ARMH3: variants seen among roughly 807,000 people sequenced by gnomAD.
The protein encoded by ARMH3 is armadillo like helical domain containing 3.
ARMH3 carries 60 observed loss-of-function variants against 99.1 expected under a neutral mutation model. The ratio of observed to expected loss-of-function variants is 0.61; its 90% CI spans 0.49 to 0.75. ARMH3 has a LOEUF of 0.75. Among genes scored for constraint, ARMH3 ranks in the 30% least tolerant of loss-of-function variants. The pLI, the probability that ARMH3 is intolerant of heterozygous loss-of-function variation, is 0.00. For synonymous variants in ARMH3, 285 were observed against 292.8 expected, an observed-to-expected ratio of 0.97 and a Z score of 0.27; for missense variants, 679 against 843.1, an observed-to-expected ratio of 0.81 and a Z score of 2.41.
At chr10:101,861,062 G>C (rs1053007222) in intron 24 of ARMH3, among the ~76,000 whole-genome samples, 9 of 152,248 alleles carry the variant, frequency 5.9e-5, no homozygotes, top group Admixed American at 5.9e-4. Context: ...AGAAATGAGG[G>C]AGATGATGAA....
chr10:101,939,700 G>A (rs902588822), intron 23 of ARMH3, among the ~76,000 whole-genome samples, 163 bp downstream of exon 23: 5 of 152,096 alleles, frequency 3.3e-5, no homozygotes, highest in South Asian at 2.1e-4. Flanking sequence ...TAAAAGCCTC[G>A]TGTACTCCTG....
chr10:102,031,007 C>T (rs1037672989), intron 4 of ARMH3, among the ~76,000 whole-genome samples: 9 of 152,060 alleles, frequency 5.9e-5, no homozygotes, highest in Admixed American at 6.5e-5. Context: ...AGGCTGGTAT[C>T]GAACTCCTGC....
At chr10:101,864,551 T>TC (rs1267537187) in intron 24 of ARMH3, among the ~76,000 whole-genome samples, 1 of 152,166 alleles carries the variant, frequency 6.6e-6, no homozygotes, top group Non-Finnish European at 1.5e-5. Flanking sequence ...CACTATGGAA[T>TC]CCTATGCAGC....
intron 19 of ARMH3, among the ~76,000 whole-genome samples, chr10:101,979,377 CAT>C (rs1483266479): frequency 6.6e-6 from 1 of 152,180 alleles, no homozygotes; most frequent in African/African-American, 2.4e-5. Context: ...TAAAAATCCA[CAT>C]ATTCTATTAT....
intron 24 of ARMH3, among the ~76,000 whole-genome samples, chr10:101,887,625 G>C (rs1189235809): frequency 2.5e-5 from 3 of 117,964 alleles, no homozygotes; most frequent in South Asian, 2.7e-4. Flanking sequence ...TGTAGAGACA[G>C]CTTCACCATG....
chr10:102,044,508 C>T (rs567361301), intron 1 of ARMH3, among the ~76,000 whole-genome samples: 1 of 151,900 alleles, frequency 6.6e-6, no homozygotes, highest in South Asian at 2.1e-4. Flanking sequence ...GTAGCTAGAA[C>T]TATAGGTGCG....
At chr10:101,912,391 C>CAAAAAAA (rs34173316) in intron 23 of ARMH3, among the ~76,000 whole-genome samples, 1 of 83,072 alleles carries the variant, frequency 1.2e-5, no homozygotes, top group South Asian at 4.3e-4. Context: ...GACTCTGTCT[C>CAAAAAAA]AAAAAAAAAA....
At chr10:101,927,354 T>G (rs1221287053) in intron 23 of ARMH3, among the ~76,000 whole-genome samples, 1 of 152,066 alleles carries the variant, frequency 6.6e-6, no homozygotes, top group East Asian at 1.9e-4. Context: ...AAGGAGAGAA[T>G]GTACTCTCCT....
At chr10:102,017,107 T>A (rs61873633) in intron 8 of ARMH3, among the ~76,000 whole-genome samples, 7,450 of 152,306 alleles carry the variant, frequency 0.049, 195 homozygotes, top group Middle Eastern at 0.095. Flanking sequence ...TGAGATTGAT[T>A]GTACTGGTGG....
At chr10:101,877,890 G>A (rs867507724) in intron 24 of ARMH3, among the ~76,000 whole-genome samples, 1 of 152,186 alleles carries the variant, frequency 6.6e-6, no homozygotes, top group Middle Eastern at 3.4e-3. Flanking sequence ...ATCCAGCTTG[G>A]CTGTGGGACA....
At chr10:102,020,599 T>C (rs1242722329) in intron 8 of ARMH3, among the ~76,000 whole-genome samples, 1 of 146,616 alleles carries the variant, frequency 6.8e-6, no homozygotes, top group Non-Finnish European at 1.5e-5. Flanking sequence ...GGCAGGAGAA[T>C]GGCGTGAACC....
At chr10:102,050,457 T>C (rs993019097) in intron 1 of ARMH3, among the ~76,000 whole-genome samples, 1 of 151,218 alleles carries the variant, frequency 6.6e-6, no homozygotes, top group African/African-American at 2.4e-5. Flanking sequence ...CTGTCTCAAA[T>C]AAATAAATAA....
chr10:101,960,669 T>C (rs940664927), intron 20 of ARMH3, among the ~76,000 whole-genome samples: 3 of 151,892 alleles, frequency 2.0e-5, no homozygotes, highest in Non-Finnish European at 4.4e-5. Context: ...GGCAGGCTGA[T>C]CATGAGGTCA....
At chr10:102,039,937 A>G (rs2067369364) in intron 2 of ARMH3, 76 bp downstream of exon 2, 1 of 1,353,074 alleles carries the variant, frequency 7.4e-7, no homozygotes, top group Non-Finnish European at 1.1e-6. Context: ...GGTAGCAGGC[A>G]GAGGTAAGGG....
chr10:101,891,996 C>G (rs1273129156), intron 23 of ARMH3, among the ~76,000 whole-genome samples: 2 of 151,834 alleles, frequency 1.3e-5, no homozygotes, highest in African/African-American at 4.8e-5. Context: ...CTTGTGGTCC[C>G]AGCTACTTGG....
intron 15 of ARMH3, among the ~76,000 whole-genome samples, chr10:101,998,592 A>T (rs1847165171): frequency 1.3e-5 from 2 of 152,226 alleles, no homozygotes; most frequent in South Asian, 4.1e-4. Flanking sequence ...CTGCCCACCC[A>T]GGCTCCTTTC....
intron 24 of ARMH3, among the ~76,000 whole-genome samples, chr10:101,885,861 G>A (rs892301281): frequency 6.6e-6 from 1 of 151,808 alleles, no homozygotes; most frequent in African/African-American, 2.4e-5. Flanking sequence ...TTGAGACCAG[G>A]CTGGCCAACA....
intron 22 of ARMH3, among the ~76,000 whole-genome samples, chr10:101,940,671 A>T (rs1844200890): frequency 6.6e-6 from 1 of 152,002 alleles, no homozygotes. Flanking sequence ...CTCATTTTTC[A>T]ATTCCCACCT....
At chr10:101,903,032 T>C (rs10786650) in intron 23 of ARMH3, among the ~76,000 whole-genome samples, 49,276 of 152,064 alleles carry the variant, frequency 0.32, 8,189 homozygotes, top group East Asian at 0.53. Flanking sequence ...TGCCATCTCT[T>C]CAATATACCA....
Sources: allele counts gnomAD v4.1 joint callset (sites outside exome capture counted in the v4.1 genomes callset), GRCh38; gene constraint gnomAD v4.1.1; transcripts MANE v1.5; gene names NCBI Gene and HGNC (gene_info 2026-07-23, HGNC 2026-07-21).